Variants in EPB41L3 observed in about 807,000 individuals in gnomAD.
The protein encoded by EPB41L3 is erythrocyte membrane protein band 4.1 like 3, also known as band 4.1-like protein 3.
Under a neutral mutation model 127.1 loss-of-function variants are expected in EPB41L3, and 57 were observed. That is an observed-to-expected ratio of 0.45 (90% confidence interval 0.36 to 0.56). The LOEUF (loss-of-function observed/expected upper bound fraction) is 0.56. Among genes scored for constraint, EPB41L3 ranks in the 20% least tolerant of loss-of-function variants. The pLI, the probability that EPB41L3 is intolerant of heterozygous loss-of-function variation, is 0.00. For missense variants in EPB41L3, 1,273 were observed against 1,372.2 expected, an observed-to-expected ratio of 0.93 and a Z score of 1.14; for synonymous variants, 572 against 549.5, an observed-to-expected ratio of 1.04 and a Z score of -0.57.
chr18:5,497,897 C>T (rs937584272), intron 1 of EPB41L3, among the ~76,000 whole-genome samples: 1 of 152,194 alleles, frequency 6.6e-6, no homozygotes, highest in African/African-American at 2.4e-5. Context: ...GACATCTGTA[C>T]TTACACATTT....
chr18:5,529,944 G>T (rs1324660502), intron 1 of EPB41L3, among the ~76,000 whole-genome samples: 1 of 151,942 alleles, frequency 6.6e-6, no homozygotes, highest in Non-Finnish European at 1.5e-5. Flanking sequence ...GTGTGTGTGT[G>T]TGTGTGTGTG....
At chr18:5,523,069 C>T (rs985463614) in intron 1 of EPB41L3, among the ~76,000 whole-genome samples, 1 of 152,082 alleles carries the variant, frequency 6.6e-6, no homozygotes, top group Non-Finnish European at 1.5e-5. Flanking sequence ...GTTTAGCAAA[C>T]AGGGATATGC....
In EPB41L3 at chr18:5,416,282, TCTC is replaced by T. The variant is rs2076807565; in HGVS notation, c.1600_1602del (p.Glu534del). On this transcript the variant is annotated inframe_deletion, in exon 13 of 23. Transcript: ENST00000341928. Reference sequence around the variant, plus strand: ...TCATAACCTGGCAGTTTGCAGTCATTCTCCTTACACCTCCTACGGAGCTCTGTG... The same window carrying T: ...TCATAACCTGGCAGTTTGCAGTCATTCTTACACCTCCTACGGAGCTCTGTG... 1.2e-6 allele frequency: 2 copies of T among 1,613,948 alleles called. No individual in the cohort carries two copies. Among genetic ancestry groups the T allele is most frequent in the East Asian group, 4.5e-5 (2 of 44,854 alleles).
intron 9 of EPB41L3, 95 bp downstream of exon 9, chr18:5,428,218 C>A: frequency 6.9e-7 from 1 of 1,454,144 alleles, no homozygotes; most frequent in South Asian, 1.3e-5. Flanking sequence ...CACTGTGTCC[C>A]ACAATGCTCA....
intron 3 of EPB41L3, among the ~76,000 whole-genome samples, chr18:5,583,241 G>A (rs1273732651): frequency 6.6e-6 from 1 of 152,284 alleles, no homozygotes; most frequent in East Asian, 1.9e-4. Flanking sequence ...ACAGATGGTA[G>A]TTTTCAAAAC....
chr18:5,543,814 T>A lies in EPB41L3; in HGVS notation c.-12+99A>T, dbSNP rs1409782540. 4 of 923,318 alleles carry A rather than the reference T, an allele frequency of 4.3e-6. No homozygotes were observed. Among genetic ancestry groups the A allele is most frequent in the Non-Finnish European group, 5.2e-6 (4 of 774,102 alleles). The allele number at this position is 923,318 out of a possible 1,614,324, so 57.2% of individuals were successfully genotyped here. A position where few individuals can be genotyped will look rare whatever the true frequency, so the allele number is the denominator to read the frequency against. On this transcript the variant is annotated intron_variant, in intron 1 of 22. Coordinates refer to ENST00000341928, the MANE Select transcript of EPB41L3 (RefSeq NM_012307.5). This position sits in a 1 kb window ranked among gnomAD's most constrained non-coding sequence, Gnocchi z 5.2. ...CGCCGAAGCCACGCGTCAGCCCCACTGTCCCGCGCGCCTCGCCCCAGGCCT... is the reference window on the plus strand; with the variant it reads ...CGCCGAAGCCACGCGTCAGCCCCACAGTCCCGCGCGCCTCGCCCCAGGCCT...
intron 1 of EPB41L3, among the ~76,000 whole-genome samples, chr18:5,618,041 T>C (rs1359935496): frequency 6.6e-6 from 1 of 152,232 alleles, no homozygotes; most frequent in Non-Finnish European, 1.5e-5. Context: ...ATAGGTTTAA[T>C]ATAGTTGTCT....
chr18:5,402,760 A>G (rs1029892073), intron 16 of EPB41L3, among the ~76,000 whole-genome samples: 1 of 152,214 alleles, frequency 6.6e-6, no homozygotes, highest in Non-Finnish European at 1.5e-5. Flanking sequence ...CTTAAACATT[A>G]TAAGTTATTA....
intron 3 of EPB41L3, among the ~76,000 whole-genome samples, chr18:5,584,231 T>A (rs926786661): frequency 6.6e-6 from 1 of 152,206 alleles, no homozygotes; most frequent in African/African-American, 2.4e-5. Flanking sequence ...CTGGGTCCTT[T>A]ACCTCTGAGA....
chr18:5,498,238 T>C (rs1485515141), intron 1 of EPB41L3, among the ~76,000 whole-genome samples: 1 of 152,182 alleles, frequency 6.6e-6, no homozygotes, highest in East Asian at 1.9e-4. Flanking sequence ...ACACAAATAT[T>C]CCAATTGAGC....
chr18:5,419,808 G>A lies in EPB41L3; in HGVS notation c.1409C>T (p.Pro470Leu), dbSNP rs769584275. 12 of 1,613,972 alleles carry A rather than the reference G, an allele frequency of 7.4e-6. No individual in the cohort carries two copies. Among genetic ancestry groups the A allele is most frequent in the South Asian group, 1.1e-5 (1 of 91,076 alleles). The change falls in exon 12 of 23, where the codon CCG becomes CTG. Residue 470 changes from proline (P) to leucine (L), a missense_variant. Pro to Leu is a moderately conservative substitution (Grantham distance 98, BLOSUM62 -3). Transcript: ENST00000341928. ...CCGCTCCTCCTCAGCCTTCTTCTCC[G>A]GAGTCACAGTGGTGATCAAGTTGGT... ...SQTNLITTVT[P>L]EKKAEEERDE...
At chr18:5,625,586 A>G (rs995351838) in intron 1 of EPB41L3, among the ~76,000 whole-genome samples, 2 of 152,222 alleles carry the variant, frequency 1.3e-5, no homozygotes, top group African/African-American at 4.8e-5. Context: ...CCAGTTTCAA[A>G]TGTGAGACTA....
intron 1 of EPB41L3, among the ~76,000 whole-genome samples, chr18:5,523,255 T>C (rs1047098690): frequency 9.2e-5 from 14 of 152,222 alleles, no homozygotes; most frequent in Non-Finnish European, 1.8e-4. Flanking sequence ...TCCATAATGG[T>C]TTCTGAATAG....
chr18:5,560,259 T>G (rs1785394), intron 3 of EPB41L3, among the ~76,000 whole-genome samples: 2,255 of 152,180 alleles, frequency 0.015, 57 homozygotes, highest in African/African-American at 0.053. Flanking sequence ...GATGGGTTCC[T>G]TTGATTAATG....
chr18:5,546,190 A>T (rs2093878577), upstream of EPB41L3, among the ~76,000 whole-genome samples: 1 of 152,142 alleles, frequency 6.6e-6, no homozygotes, highest in Non-Finnish European at 1.5e-5. Context: ...CTGAATGGCA[A>T]TTTTCTTGGG....
intron 2 of EPB41L3, among the ~76,000 whole-genome samples, chr18:5,487,514 CAG>C: frequency 6.9e-6 from 1 of 144,384 alleles, no homozygotes; most frequent in South Asian, 2.2e-4. Context: ...TTTTTTGAGA[CAG>C]AGTCTTGCTC....
intron 3 of EPB41L3, among the ~76,000 whole-genome samples, chr18:5,448,803 C>A (rs1323708425): frequency 6.6e-6 from 1 of 152,088 alleles, no homozygotes; most frequent in Admixed American, 6.6e-5. Context: ...CGGTGGCTTG[C>A]CCTCTTCTTA....
intron 3 of EPB41L3, among the ~76,000 whole-genome samples, chr18:5,598,547 C>A (rs1398423458): frequency 1.3e-5 from 2 of 152,028 alleles, no homozygotes. Context: ...TCTACCTAAG[C>A]AAAAGTTCTT....
chr18:5,481,133 A>G (rs1415430989), intron 2 of EPB41L3, among the ~76,000 whole-genome samples: 5 of 152,200 alleles, frequency 3.3e-5, no homozygotes, highest in Middle Eastern at 3.2e-3. Context: ...GAGACAGAGC[A>G]GCTATTTATA....
Sources: allele counts gnomAD v4.1 joint callset (sites outside exome capture counted in the v4.1 genomes callset), GRCh38; gene constraint gnomAD v4.1.1; non-coding constraint Gnocchi (gnomAD v3.1); transcripts MANE v1.5; gene names NCBI Gene and HGNC (gene_info 2026-07-23, HGNC 2026-07-21).